PRDX4: variants seen among roughly 807,000 people sequenced by gnomAD.
PRDX4 encodes the protein peroxiredoxin 4.
Under a neutral mutation model 20.5 loss-of-function variants are expected in PRDX4, and 12 were observed. The ratio of observed to expected loss-of-function variants is 0.58; its 90% CI spans 0.37 to 0.95. The LOEUF is 0.95. Ranked by LOEUF, PRDX4 falls within the 40% of genes least tolerant of loss-of-function variation. The pLI is 0.01. For synonymous variants in PRDX4, 99 were observed against 87.5 expected (o/e 1.13, Z -0.73); for missense variants, 180 against 207.3 (o/e 0.87, Z 0.81).
At chrX:23,674,938 G>C in intron 2 of PRDX4, 52 bp from the exon 3 acceptor site, 1 of 1,174,025 alleles carries the variant, frequency 8.5e-7, no homozygotes, top group Non-Finnish European at 1.1e-6. Flanking sequence ...TGAAAGTTTA[G>C]GTATATGCTT....
At chrX:23,672,138 G>A (rs781095690) in intron 2 of PRDX4, among the ~76,000 whole-genome samples, 2 of 111,650 alleles carry the variant, frequency 1.8e-5, no homozygotes, top group South Asian at 7.6e-4. Flanking sequence ...GTACGCGCCT[G>A]TAGTCCCAGC....
At chrX:23,685,234 A>G (rs1327744026) in intron 6 of PRDX4, among the ~76,000 whole-genome samples, 1 of 112,003 alleles carries the variant, frequency 8.9e-6, no homozygotes, top group African/African-American at 3.2e-5. Flanking sequence ...GACACCTAGC[A>G]CATGCCTGTG....
At position 23,673,947 on chromosome X, in the gene PRDX4, CCTAA is replaced by C. The variant is rs773776018; in HGVS notation, c.360-1038_360-1035del. Among the ~76,000 whole-genome samples the C allele has an allele frequency of 2.7e-5, 3 of 110,354 alleles. No homozygotes were observed. In the South Asian group the frequency reaches 1.2e-3, roughly 43 times the overall value. On this transcript the variant is annotated intron_variant, in intron 2 of 6. Coordinates refer to ENST00000379341, the MANE Select transcript of PRDX4 (RefSeq NM_006406.2). ...ATTGGTATCTGGTAGGAACTTGTGC[CCTAA>C]CTAAGTCTATGTTTTTCAAACTTTC...
At position 23,667,622 on chromosome X, in the gene PRDX4, C is replaced by G; in HGVS notation, c.52C>G (p.Arg18Gly). Residue 18 changes from arginine to glycine, a missense_variant, in exon 1 of 7, where the codon CGA becomes GGA. Coordinates refer to ENST00000379341, the MANE Select transcript of PRDX4 (RefSeq NM_006406.2). ...GACAACTCCGGACCACGGCCGCCAC[C>G]GAAGGCTGCTTCTGCTGCCGCTACT... ...AATTPDHGRHRRLLLLPLLLF... is the reference protein window; with the variant it reads ...AATTPDHGRHGRLLLLPLLLF... The G allele has an allele frequency of 8.3e-7, 1 of 1,198,912 alleles. No individual in the cohort carries two copies. The highest frequency in any genetic ancestry group is 1.8e-5 in the South Asian group (1 of 55,568).
intron 6 of PRDX4, among the ~76,000 whole-genome samples, chrX:23,685,722 A>ACAG (rs151298668): frequency 1.8e-5 from 2 of 109,969 alleles, no homozygotes; most frequent in Non-Finnish European, 3.8e-5. Context: ...TTTAAGTCTA[A>ACAG]CAGGATTCTA....
At chrX:23,684,531 T>C (rs1276958819) in intron 6 of PRDX4, among the ~76,000 whole-genome samples, 1 of 110,605 alleles carries the variant, frequency 9.0e-6, no homozygotes, top group Non-Finnish European at 1.9e-5. Context: ...GACGGAGTCT[T>C]GCTCTGTCGC....
chrX:23,679,967 G>A (rs187133877), intron 4 of PRDX4, among the ~76,000 whole-genome samples: 180 of 111,047 alleles, frequency 1.6e-3, no homozygotes, highest in Admixed American at 4.3e-3. Context: ...AGGCGACAGA[G>A]CAAGACTCCG....
intron 1 of PRDX4, 64 bp downstream of exon 1, chrX:23,667,875 C>T (rs903519625): frequency 8.5e-7 from 1 of 1,179,699 alleles, no homozygotes. Flanking sequence ...CCCGGTTACA[C>T]CCCCGGAATC....
chrX:23,675,237 A>C (rs1160705426), intron 3 of PRDX4, 131 bp downstream of exon 3: 8 of 1,109,328 alleles, frequency 7.2e-6, no homozygotes, highest in Non-Finnish European at 9.7e-6. Flanking sequence ...TTTATCTAAG[A>C]GTAATACATG....
chrX:23,681,517 T>C (rs1442355114), intron 4 of PRDX4, among the ~76,000 whole-genome samples: 3 of 112,206 alleles, frequency 2.7e-5, no homozygotes, highest in Admixed American at 9.5e-5. Context: ...TCAAGGTTCA[T>C]TGTATTGTAT....
chrX:23,675,503 T>C, intron 3 of PRDX4: 1 of 155,325 alleles, frequency 6.4e-6, no homozygotes, highest in Admixed American at 8.2e-5. Flanking sequence ...GCTTTTACAA[T>C]TTTGAAGAAA....
chrX:23,677,341 C>T (rs1239219188), intron 3 of PRDX4, among the ~76,000 whole-genome samples: 3 of 111,288 alleles, frequency 2.7e-5, no homozygotes, highest in African/African-American at 3.3e-5. Flanking sequence ...ACAGATTGAG[C>T]GTCCCTAACC....
Position 23,667,654 on chromosome X carries a change from C to T in PRDX4, c.84C>T (p.Phe28=). 1.7e-6 allele frequency: 2 copies of T among 1,207,813 alleles called. No homozygotes were observed. The highest frequency in any genetic ancestry group is 2.2e-6 in the Non-Finnish European group (2 of 893,476). ...RRLLLLPLLL[F]LLPAGAVQGW... is the part of the protein sequence containing the mutation. Reference sequence around the variant, plus strand: ...TGCTTCTGCTGCCGCTACTGCTGTTCCTGCTGCCGGCTGGAGCTGTGCAGG... The same window carrying T: ...TGCTTCTGCTGCCGCTACTGCTGTTTCTGCTGCCGGCTGGAGCTGTGCAGG... The change falls in exon 1 of 7, where the codon TTC becomes TTT. Residue 28 remains phenylalanine (F), a synonymous_variant. Transcript: ENST00000379341.
chrX:23,671,468 C>G (rs200951758), intron 1 of PRDX4, 61 bp from the exon 2 acceptor site: 37 of 894,958 alleles, frequency 4.1e-5, no homozygotes, highest in Non-Finnish European at 5.9e-5. Context: ...CTAAAGATGT[C>G]CTTCTACCAT....
intron 3 of PRDX4, among the ~76,000 whole-genome samples, chrX:23,677,490 C>T (rs937372924): frequency 1.8e-5 from 2 of 111,625 alleles, no homozygotes; most frequent in Non-Finnish European, 3.8e-5. Context: ...CGGAAAAAAT[C>T]CTAAATCCAA....
intron 4 of PRDX4, among the ~76,000 whole-genome samples, chrX:23,679,931 G>A (rs1167519722): frequency 9.2e-6 from 1 of 109,177 alleles, no homozygotes; most frequent in Non-Finnish European, 1.9e-5. Context: ...GCGGTGAGGC[G>A]AGATCACGCC....
intron 1 of PRDX4, among the ~76,000 whole-genome samples, chrX:23,668,183 C>T (rs925285113): frequency 8.9e-6 from 1 of 112,540 alleles, no homozygotes; most frequent in Non-Finnish European, 1.9e-5. Context: ...CGAAGGAAGA[C>T]ATTGATAGGT....
chrX:23,683,886 CA>C (rs11405124), intron 6 of PRDX4, among the ~76,000 whole-genome samples, 181 bp downstream of exon 6: 24 of 94,358 alleles, frequency 2.5e-4, no homozygotes, highest in Non-Finnish European at 2.1e-4. Flanking sequence ...TACTAAAATA[CA>C]AAAAAAAAAA....
intron 2 of PRDX4, among the ~76,000 whole-genome samples, chrX:23,673,896 A>G (rs1927895172): frequency 1.8e-5 from 2 of 110,462 alleles, no homozygotes; most frequent in Admixed American, 2.0e-4. Context: ...CTGTACCTGA[A>G]TACCTGAAAC....
Sources: gnomAD v4.1 joint callset for allele counts (sites outside exome capture counted in the v4.1 genomes callset) on GRCh38, gnomAD v4.1.1 for gene constraint, MANE v1.5 for transcripts, NCBI Gene and HGNC (gene_info 2026-07-23, HGNC 2026-07-21) for gene names.